Variants in ATXN10 observed in about 807,000 individuals in gnomAD.
ATXN10 encodes the protein ataxin 10.
A neutral mutation model predicts 52.9 loss-of-function variants in ATXN10; 28 were observed. The ratio of observed to expected loss-of-function variants is 0.53; its 90% CI spans 0.39 to 0.73. ATXN10 has a LOEUF of 0.73. Among genes scored for constraint, ATXN10 ranks in the 30% least tolerant of loss-of-function variants. ATXN10 has a pLI of 0.00. For synonymous variants in ATXN10, 226 were observed against 221.5 expected, an observed-to-expected ratio of 1.02 and a Z score of -0.18; for missense variants, 565 against 577.0, an observed-to-expected ratio of 0.98 and a Z score of 0.21.
rs1269727524 is a variant in ATXN10 at position 45,757,002 on chromosome 22, A to G, written c.1173+16464A>G. On this transcript the variant is annotated intron_variant, in intron 9 of 11. Coordinates refer to ENST00000252934, the MANE Select transcript of ATXN10 (RefSeq NM_013236.4). The surrounding 1 kb of genome is among the most constrained non-coding windows in gnomAD (Gnocchi z 4.6). Reference sequence around the variant, plus strand: ...GCACGTGGAAACTGAGGAAGAGGGAAGGAGTGGAGAAGAACCAGACGAGAG... The same window carrying G: ...GCACGTGGAAACTGAGGAAGAGGGAGGGAGTGGAGAAGAACCAGACGAGAG... Among the ~76,000 whole-genome samples, 1 of 152,146 alleles carries G rather than the reference A, an allele frequency of 6.6e-6. No individual in the cohort carries two copies.
At chr22:45,777,364 G>T (rs1191030691) in intron 9 of ATXN10, among the ~76,000 whole-genome samples, 1 of 152,142 alleles carries the variant, frequency 6.6e-6, no homozygotes, top group Non-Finnish European at 1.5e-5. Context: ...GTATTCTCTT[G>T]ATCTAGAGTA....
rs1033454527 is a variant in ATXN10, at chr22:45,811,272, T to A, written c.1237+4250T>A. ...GACCCTCTTTATCTCTAAAAATGATTTTCTGCCTAATATTAATATAGCTAT... is the reference window on the plus strand; with the variant it reads ...GACCCTCTTTATCTCTAAAAATGATATTCTGCCTAATATTAATATAGCTAT... On this transcript the variant is annotated intron_variant, in intron 10 of 11. Coordinates refer to ENST00000252934, the MANE Select transcript of ATXN10 (RefSeq NM_013236.4). 5.9e-5 allele frequency among the ~76,000 whole-genome samples: 9 copies of A among 152,300 alleles called. No homozygotes were observed. The East Asian group carries it at 9.6e-4, about 16-fold the overall frequency.
chr22:45,788,256 G>A (rs575482510), intron 9 of ATXN10, among the ~76,000 whole-genome samples: 23 of 152,078 alleles, frequency 1.5e-4, no homozygotes, highest in African/African-American at 4.6e-4. Flanking sequence ...TAGGTGTCTC[G>A]TCTCTAAGTG....
chr22:45,814,846 A>T (rs972306649), intron 10 of ATXN10, among the ~76,000 whole-genome samples: 29 of 152,256 alleles, frequency 1.9e-4, no homozygotes, highest in Admixed American at 3.3e-4. Context: ...CGTGAACCCT[A>T]TTGTGAGCTG....
At chr22:45,737,235 G>A (rs1476695357) in intron 7 of ATXN10, among the ~76,000 whole-genome samples, 2 of 152,170 alleles carry the variant, frequency 1.3e-5, no homozygotes, top group East Asian at 1.9e-4. Flanking sequence ...TTCTGATTCC[G>A]AATTTCTGAC....
rs189515219 is a variant in ATXN10 at position 45,828,735 on chromosome 22, G to A, written c.1238-14256G>A. 6.6e-5 allele frequency among the ~76,000 whole-genome samples: 10 copies of A among 152,268 alleles called. No homozygotes were observed. The East Asian group carries it at 1.5e-3, about 23-fold the overall frequency. ...GTAAGTACTATAGTAAGTACTATAA[G>A]TTACTAGTTATAGTAAGACAATTAA... On this transcript the variant is annotated intron_variant, in intron 10 of 11. Transcript: ENST00000252934. The surrounding 1 kb of genome is among the most constrained non-coding windows in gnomAD (Gnocchi z 4.5).
intron 9 of ATXN10, among the ~76,000 whole-genome samples, chr22:45,803,800 G>A (rs765528943): frequency 1.3e-5 from 2 of 152,022 alleles, no homozygotes; most frequent in East Asian, 1.9e-4. Context: ...GGAGAAGTGG[G>A]GGTGTGAGGG....
intron 10 of ATXN10, among the ~76,000 whole-genome samples, chr22:45,834,342 C>T (rs979028989): frequency 3.3e-5 from 5 of 152,142 alleles, no homozygotes; most frequent in South Asian, 2.1e-4. Context: ...GACACTTCCC[C>T]GGTTTCTACT....
chr22:45,672,364 C>A lies in ATXN10; in HGVS notation c.116+185C>A, dbSNP rs1479620776. 7.6e-5 allele frequency: 42 copies of A among 552,438 alleles called. No homozygotes were observed. In the East Asian group the frequency reaches 2.7e-3, roughly 35 times the overall value. 34.2% of individuals were successfully genotyped at this position (552,438 alleles called of 1,614,324 possible). A position where few individuals can be genotyped will look rare whatever the true frequency, so the allele number is the denominator to read the frequency against. On this transcript the variant is annotated intron_variant, in intron 1 of 11. Transcript: ENST00000252934. Reference sequence around the variant, plus strand: ...CAGGCACCGCCTCGTGCTCGTGGGTCCCCGCGGGGCCTGGGGCGGGCGCCC... The same window carrying A: ...CAGGCACCGCCTCGTGCTCGTGGGTACCCGCGGGGCCTGGGGCGGGCGCCC...
At chr22:45,734,530 AT>A (rs199766625) in intron 7 of ATXN10, 544 of 113,858 alleles carry the variant, frequency 4.8e-3, no homozygotes, top group Middle Eastern at 9.7e-3. Context: ...TGGCCTCTGG[AT>A]TTTTTTTTTT....
At chr22:45,812,790 T>C (rs1928324934) in intron 10 of ATXN10, among the ~76,000 whole-genome samples, 1 of 152,168 alleles carries the variant, frequency 6.6e-6, no homozygotes, top group Admixed American at 6.5e-5. Context: ...TGGGATGCCT[T>C]TGGATAGGAG....
At chr22:45,765,884 A>G (rs9626440) in intron 9 of ATXN10, among the ~76,000 whole-genome samples, 1,725 of 152,292 alleles carry the variant, frequency 0.011, 39 homozygotes, top group African/African-American at 0.04. Context: ...GATTGATTCT[A>G]AATTTATTTA....
In ATXN10 at chr22:45,729,462, A is replaced by C; in HGVS notation, c.766A>C (p.Ser256Arg). The change falls in exon 7 of 12, where the codon AGT (serine) becomes CGT (arginine). Residue 256 changes from serine (S) to arginine (R), a missense_variant. By Grantham distance (110) the Ser-to-Arg change is moderately radical (BLOSUM62 -1). Transcript: ENST00000252934. ...AGACCTTATGATAGCCAAGATAACG[A>C]GTGATGAGCCACTCACCAAGGATGA... is the stretch of plus-strand genomic sequence containing the variant. ...LLDLMIAKIT[S>R]DEPLTKDDIP... 6.2e-7 allele frequency: 1 copy of C among 1,614,198 alleles called. No individual in the cohort carries two copies. The highest frequency in any genetic ancestry group is 1.1e-5 in the South Asian group (1 of 91,082).
In ATXN10 at chr22:45,718,597, CTAAA is replaced by C; in HGVS notation, c.728+107_728+110del. 9.8e-7 allele frequency: 1 copy of C among 1,017,312 alleles called. No homozygotes were observed. Among genetic ancestry groups the C allele is most frequent in the South Asian group, 1.3e-5 (1 of 78,548 alleles). The allele number at this position is 1,017,312 out of a possible 1,614,324, so 63.0% of individuals were successfully genotyped here. A position where few individuals can be genotyped will look rare whatever the true frequency, so the allele number is the denominator to read the frequency against. On this transcript the variant is annotated intron_variant, in intron 6 of 11. Coordinates refer to ENST00000252934, the MANE Select transcript of ATXN10 (RefSeq NM_013236.4). The surrounding 1 kb of genome is among the most constrained non-coding windows in gnomAD (Gnocchi z 4.4). ...TGGTTTCTGAGTTGGCACAGAATCT[CTAAA>C]TACATGTTTCTGTGTTGGTAATGGT...
intron 9 of ATXN10, among the ~76,000 whole-genome samples, chr22:45,746,624 T>C (rs913282265): frequency 6.6e-6 from 1 of 152,174 alleles, no homozygotes; most frequent in African/African-American, 2.4e-5. Flanking sequence ...GGCCAGCTTC[T>C]ATATTCTCAG....
intron 9 of ATXN10, among the ~76,000 whole-genome samples, chr22:45,758,749 A>G (rs985018516): frequency 7.9e-5 from 12 of 152,376 alleles, no homozygotes; most frequent in African/African-American, 2.9e-4. Flanking sequence ...ATAGAGCAGT[A>G]TGCGATGTTT....
chr22:45,833,661 T>C lies in ATXN10; in HGVS notation c.1238-9330T>C, dbSNP rs1247945174. Reference sequence around the variant, plus strand: ...ATTTTGCAGAGATAGTTACTCTGACTGGTATCTGCAAGTTTATCACTTGGG... The same window carrying C: ...ATTTTGCAGAGATAGTTACTCTGACCGGTATCTGCAAGTTTATCACTTGGG... On this transcript the variant is annotated intron_variant, in intron 10 of 11. Coordinates refer to ENST00000252934, the MANE Select transcript of ATXN10 (RefSeq NM_013236.4). The surrounding 1 kb of genome is among the most constrained non-coding windows in gnomAD (Gnocchi z 4.3). 6.6e-6 allele frequency among the ~76,000 whole-genome samples: 1 copy of C among 152,194 alleles called. No homozygotes were observed. The highest frequency in any genetic ancestry group is 6.5e-5 in the Admixed American group (1 of 15,286).
rs1926418009 is a variant in ATXN10 at position 45,762,216 on chromosome 22, T to C, written c.1173+21678T>C. 6.6e-6 allele frequency among the ~76,000 whole-genome samples: 1 copy of C among 152,218 alleles called. No individual in the cohort carries two copies. The highest frequency in any genetic ancestry group is 1.5e-5 in the Non-Finnish European group (1 of 68,040). On this transcript the variant is annotated intron_variant, in intron 9 of 11. Transcript: ENST00000252934. The surrounding 1 kb of genome is among the most constrained non-coding windows in gnomAD (Gnocchi z 4.3). The stretch of plus-strand genomic sequence containing the variant: ...GTTTCCGAGACTGTGTTTCTATTTA[T>C]TTGCCCTTTGTCTGTTTCCCCTGAC...
chr22:45,839,337 C>T (rs1227067382), intron 10 of ATXN10, among the ~76,000 whole-genome samples: 6 of 152,328 alleles, frequency 3.9e-5, no homozygotes, highest in South Asian at 2.1e-4. Context: ...TTGTCAGGTC[C>T]GTGGCTGCGC....
Sources: gnomAD v4.1 joint callset for allele counts (sites outside exome capture counted in the v4.1 genomes callset) on GRCh38, gnomAD v4.1.1 for gene constraint, Gnocchi (gnomAD v3.1) non-coding constraint, MANE v1.5 for transcripts, NCBI Gene and HGNC (gene_info 2026-07-23, HGNC 2026-07-21) for gene names.